Variants in STARD9 observed in about 807,000 individuals in gnomAD.
STARD9 encodes StAR related lipid transfer domain containing 9.
Under a neutral mutation model 399.8 loss-of-function variants are expected in STARD9, and 346 were observed. The observed-to-expected ratio is 0.87, with a 90% CI of 0.79 to 0.95. The LOEUF (loss-of-function observed/expected upper bound fraction) is 0.95. STARD9 is among the 40% of genes least tolerant of loss of function. STARD9 has a pLI of 0.00. For synonymous variants in STARD9, 2,203 were observed against 2,143.5 expected, an observed-to-expected ratio of 1.03 and a Z score of -0.77; for missense variants, 5,832 against 5,667.5, an observed-to-expected ratio of 1.03 and a Z score of -0.93.
At chr15:42,584,753 A>T (rs1245289257) in intron 2 of STARD9, among the ~76,000 whole-genome samples, 1 of 152,212 alleles carries the variant, frequency 6.6e-6, no homozygotes, top group Non-Finnish European at 1.5e-5. Context: ...ATGGGGGTTG[A>T]ATATTCCAGG....
chr15:42,633,142 A>G lies in STARD9; in HGVS notation c.235-1714A>G, dbSNP rs536088553. ...GGGGGACAGAGCAAGACCCTGTCTCAATTAAAAAAAAAAAAAAGAACAGGG... is the reference window on the plus strand; with the variant it reads ...GGGGGACAGAGCAAGACCCTGTCTCGATTAAAAAAAAAAAAAAGAACAGGG... On this transcript the variant is annotated intron_variant, in intron 3 of 32. Coordinates refer to ENST00000290607, the MANE Select transcript of STARD9 (RefSeq NM_020759.3). Among the ~76,000 whole-genome samples the G allele has an allele frequency of 7.2e-5, 11 of 151,928 alleles. No individual in the cohort carries two copies. In the East Asian group the frequency reaches 2.1e-3, roughly 29 times the overall value.
At chr15:42,666,406 G>A (rs940897303) in intron 15 of STARD9, among the ~76,000 whole-genome samples, 1 of 152,162 alleles carries the variant, frequency 6.6e-6, no homozygotes, top group African/African-American at 2.4e-5. Flanking sequence ...TTGTTACATA[G>A]GGAGAAGGGG....
chr15:42,715,056 A>G (rs570445300), intron 26 of STARD9, among the ~76,000 whole-genome samples: 1 of 149,166 alleles, frequency 6.7e-6, no homozygotes, highest in East Asian at 1.9e-4. Flanking sequence ...CAAAATGTCA[A>G]CAGTTGAAGA....
intron 3 of STARD9, among the ~76,000 whole-genome samples, chr15:42,601,751 A>G (rs902366364): frequency 6.6e-6 from 1 of 152,240 alleles, no homozygotes; most frequent in African/African-American, 2.4e-5. Context: ...TTTGATTTAT[A>G]TTCCACAAAC....
At chr15:42,697,545 T>C (rs1296238789) in intron 26 of STARD9, among the ~76,000 whole-genome samples, 1 of 152,076 alleles carries the variant, frequency 6.6e-6, no homozygotes, top group African/African-American at 2.4e-5. Flanking sequence ...AATCCAAATA[T>C]CAGAAATTCA....
At position 42,690,888 on chromosome 15, in the gene STARD9, C is replaced by T; in HGVS notation, c.9310C>T (p.Pro3104Ser). Residue 3104 changes from proline (P) to serine (S), a missense_variant, in exon 23 of 33, where the codon CCT becomes TCT. Transcript: ENST00000290607. Reference sequence around the variant, plus strand: ...CACAGAACTTGAGGCTGCCTCTTTCCCTGCAGGCATGTACTCTGAGCCCCT... The same window carrying T: ...CACAGAACTTGAGGCTGCCTCTTTCTCTGCAGGCATGTACTCTGAGCCCCT... ...ASTELEAASF[P>S]AGMYSEPLRQ... 1 of 1,537,138 alleles carries T rather than the reference C, an allele frequency of 6.5e-7. No individual in the cohort carries two copies. The highest frequency in any genetic ancestry group is 8.7e-7 in the Non-Finnish European group (1 of 1,146,902).
intron 3 of STARD9, among the ~76,000 whole-genome samples, chr15:42,623,663 C>A (rs143186676): frequency 6.6e-6 from 1 of 152,222 alleles, no homozygotes; most frequent in East Asian, 1.9e-4. Flanking sequence ...TTCGTGTTTA[C>A]CTTCATTTCA....
intron 3 of STARD9, among the ~76,000 whole-genome samples, chr15:42,634,002 G>T (rs969325134): frequency 6.6e-6 from 1 of 152,044 alleles, no homozygotes; most frequent in African/African-American, 2.4e-5. Context: ...TATCTGGCCT[G>T]TTTGGCTTCT....
Position 42,586,380 on chromosome 15 carries a change from G to C in STARD9, c.234+743G>C, listed in dbSNP as rs150250448. 3.2e-4 allele frequency among the ~76,000 whole-genome samples: 48 copies of C among 152,310 alleles called. No individual in the cohort carries two copies. In the East Asian group the frequency reaches 5.2e-3, roughly 17 times the overall value. ...TGCCAGCTGAGCCTGTTGGTCACCC[G>C]TCATGTGTCTTGTGGTTCTGCTTAG... is the stretch of plus-strand genomic sequence containing the variant. On this transcript the variant is annotated intron_variant, in intron 3 of 32. Transcript: ENST00000290607.
At position 42,689,429 on chromosome 15, in the gene STARD9, T is replaced by C. The variant is rs1207668662; in HGVS notation, c.7851T>C (p.His2617=). The change falls in exon 23 of 33, where the codon CAT becomes CAC. Residue 2617 remains histidine, a synonymous_variant. Transcript: ENST00000290607. The stretch of plus-strand genomic sequence containing the variant: ...ATGAGGGTGAAGCACCGGGATTTCA[T>C]GTGGCATCTCTATCTGCTGAAGCAG... ...TRNEGEAPGF[H]VASLSAEAGQ... The C allele has an allele frequency of 6.5e-7, 1 of 1,537,432 alleles. No homozygotes were observed. The highest frequency in any genetic ancestry group is 1.2e-5 in the South Asian group (1 of 84,066).
In STARD9 at chr15:42,688,686, C is replaced by G. The variant is rs1366555640; in HGVS notation, c.7108C>G (p.His2370Asp). The stretch of plus-strand genomic sequence containing the variant: ...GCTGGATCTCACAATGTTGAAAATT[C>G]ATAACAGTCCCTTGGTAACTGGAGT... ...CVLDLTMLKI[H>D]NSPLVTGVEH... The change falls in exon 23 of 33, where the codon CAT becomes GAT. Residue 2370 changes from histidine to aspartate, a missense_variant. Physicochemically the swap from His to Asp is moderately conservative, Grantham distance 81. Around this residue, in one of 2 missense-constraint regions of STARD9, gnomAD observed 5,828 missense variants for 5,651.1 expected, o/e 1.03. Transcript: ENST00000290607. 6.5e-7 allele frequency: 1 copy of G among 1,537,670 alleles called. No individual in the cohort carries two copies. Among genetic ancestry groups the G allele is most frequent in the Non-Finnish European group, 8.7e-7 (1 of 1,147,012 alleles).
At position 42,690,397 on chromosome 15, in the gene STARD9, TC is replaced by T; in HGVS notation, c.8820del (p.Ser2941AlafsTer42). Reference protein sequence around the residue: ...FSRNPEGSRTLSPSRGKESRT... With the variant: ...FSRNPEGSRTXSPSRGKESRT... ...AGGAACCCTGAAGGCAGCAGGACTC[TC>T]AGCCCGTCTAGAGGGAAAGAGAGCA... On this transcript the variant is annotated frameshift_variant, in exon 23 of 33. Coordinates refer to ENST00000290607, the MANE Select transcript of STARD9 (RefSeq NM_020759.3). LOFTEE classifies it high-confidence loss of function. The T allele has an allele frequency of 1.3e-6, 2 of 1,537,256 alleles. No individual in the cohort carries two copies. Among genetic ancestry groups the T allele is most frequent in the Admixed American group, 3.9e-5 (2 of 51,002 alleles).
Position 42,689,965 on chromosome 15 carries a change from T to G in STARD9, c.8387T>G (p.Val2796Gly). 6.5e-7 allele frequency: 1 copy of G among 1,537,630 alleles called. No homozygotes were observed. The highest frequency in any genetic ancestry group is 1.2e-5 in the South Asian group (1 of 84,048). Reference protein sequence around the residue: ...PRTLDTTYGEVSDNLLVTAQG... With the variant: ...PRTLDTTYGEGSDNLLVTAQG... ...ACTCTAGACACCACATATGGAGAAG[T>G]TTCAGATAATTTGTTAGTGACTGCA... is the stretch of plus-strand genomic sequence containing the variant. The change falls in exon 23 of 33, where the codon GTT becomes GGT. Residue 2796 changes from valine (V) to glycine (G), a missense_variant. By Grantham distance (109) the Val-to-Gly change is moderately radical. Transcript: ENST00000290607.
chr15:42,715,083 A>C (rs1646236164), intron 26 of STARD9, among the ~76,000 whole-genome samples: 1 of 152,152 alleles, frequency 6.6e-6, no homozygotes, highest in Non-Finnish European at 1.5e-5. Flanking sequence ...ATCAACAAAA[A>C]AAAAAAAACC....
intron 3 of STARD9, among the ~76,000 whole-genome samples, chr15:42,598,028 G>GTGTGTC (rs2058548087): frequency 6.7e-6 from 1 of 149,786 alleles, no homozygotes; most frequent in Non-Finnish European, 1.5e-5. Flanking sequence ...GTGTGTGTGT[G>GTGTGTC]TGTGTGTGTG....
chr15:42,578,350 C>T (rs1351571027), intron 1 of STARD9, among the ~76,000 whole-genome samples: 1 of 152,062 alleles, frequency 6.6e-6, no homozygotes, highest in Non-Finnish European at 1.5e-5. Flanking sequence ...ACCTCACCTG[C>T]CATGGCCTCC....
chr15:42,599,469 A>C (rs1566863104), intron 3 of STARD9, among the ~76,000 whole-genome samples: 1 of 152,126 alleles, frequency 6.6e-6, no homozygotes, highest in African/African-American at 2.4e-5. Flanking sequence ...ATATTAATAC[A>C]TCTCACCTCT....
In STARD9 at chr15:42,669,343, G is replaced by A; in HGVS notation, c.1497+6G>A. 1.3e-6 allele frequency: 2 copies of A among 1,508,346 alleles called. No individual in the cohort carries two copies. Among genetic ancestry groups the A allele is most frequent in the Non-Finnish European group, 1.8e-6 (2 of 1,123,702 alleles). 93.4% of individuals were successfully genotyped at this position (1,508,346 alleles called of 1,614,324 possible). ...TTGTGCTCTATCATCTCAAGGTGAG[G>A]AGGCTAGTGTATCCTTTTCTTCCTA... On this transcript the variant is annotated splice_donor_region_variant and intron_variant, in intron 16 of 32. Transcript: ENST00000290607.
intron 20 of STARD9, among the ~76,000 whole-genome samples, 161 bp from the exon 21 acceptor site, chr15:42,681,261 C>T (rs1220120452): frequency 6.6e-6 from 1 of 152,176 alleles, no homozygotes; most frequent in African/African-American, 2.4e-5. Flanking sequence ...TCGTAAGCTG[C>T]CTGTGACACC....
Sources: allele counts gnomAD v4.1 joint callset (sites outside exome capture counted in the v4.1 genomes callset), GRCh38; gene constraint gnomAD v4.1.1; regional missense constraint gnomAD v4.1.1; transcripts MANE v1.5; gene names NCBI Gene and HGNC (gene_info 2026-07-23, HGNC 2026-07-21).